The following NBPF11 variants were observed in gnomAD, a reference collection of about 807,000 sequenced individuals.
The protein encoded by NBPF11 is NBPF family member NBPF11.
Under a neutral mutation model 93.9 loss-of-function variants are expected in NBPF11, and 72 were observed. That is an observed-to-expected ratio of 0.77 (90% CI 0.63 to 0.93). NBPF11 has a LOEUF of 0.93. Ranked by LOEUF, NBPF11 falls within the 40% of genes least tolerant of loss-of-function variation. NBPF11 has a pLI of 0.00. For synonymous variants in NBPF11, 224 were observed against 304.9 expected (o/e 0.73, Z 2.76); for missense variants, 705 against 802.2 (o/e 0.88, Z 1.46).
At chr1:148,134,154 C>A (rs1670889517) in intron 4 of NBPF11, among the ~76,000 whole-genome samples, 1 of 151,646 alleles carries the variant, frequency 6.6e-6, no homozygotes, top group Non-Finnish European at 1.5e-5. Flanking sequence ...CTCACCCATG[C>A]ATTTCTTAAT....
intron 1 of NBPF11, among the ~76,000 whole-genome samples, chr1:148,151,037 C>T (rs1457886819): frequency 6.6e-6 from 1 of 151,760 alleles, no homozygotes; most frequent in South Asian, 2.1e-4. Flanking sequence ...AGGAGGAAAG[C>T]GAGGAAACCA....
chr1:148,133,071 C>G (rs1670685299), intron 4 of NBPF11, among the ~76,000 whole-genome samples: 1 of 148,104 alleles, frequency 6.8e-6, no homozygotes, highest in African/African-American at 2.6e-5. Flanking sequence ...TTTATAAGCA[C>G]AACATGTATT....
intron 2 of NBPF11, among the ~76,000 whole-genome samples, chr1:148,138,907 A>T (rs1403290176): frequency 6.6e-6 from 1 of 151,590 alleles, no homozygotes; most frequent in African/African-American, 2.4e-5. Flanking sequence ...CCTGGCCAAC[A>T]TGAAGAAACC....
At chr1:148,132,216 C>T (rs1385664005) in intron 4 of NBPF11, among the ~76,000 whole-genome samples, 272 of 76,694 alleles carry the variant, frequency 3.5e-3, no homozygotes, top group South Asian at 9.8e-3. Context: ...TATATATATA[C>T]ACACACACAC....
chr1:148,140,750 C>G (rs1463498477), intron 2 of NBPF11, among the ~76,000 whole-genome samples: 1 of 151,838 alleles, frequency 6.6e-6, no homozygotes, highest in African/African-American at 2.4e-5. Flanking sequence ...GGTGAACACA[C>G]CAAATGCTGT....
intron 2 of NBPF11, among the ~76,000 whole-genome samples, chr1:148,139,311 C>A (rs1671836582): frequency 6.9e-6 from 1 of 144,986 alleles, no homozygotes; most frequent in South Asian, 2.2e-4. Flanking sequence ...CGAAAACCAT[C>A]CCTAGAATGC....
At chr1:148,124,384 C>A (rs1668589691) in intron 6 of NBPF11, among the ~76,000 whole-genome samples, 1 of 150,302 alleles carries the variant, frequency 6.7e-6, no homozygotes, top group Non-Finnish European at 1.5e-5. Flanking sequence ...ATGGACATTT[C>A]CATGTGAAAA....
At chr1:148,129,211 C>T (rs2149259534) in intron 4 of NBPF11, among the ~76,000 whole-genome samples, 1 of 144,294 alleles carries the variant, frequency 6.9e-6, no homozygotes, top group South Asian at 2.1e-4. Context: ...TATATATACA[C>T]ACACGAATAT....
At position 148,103,594 on chromosome 1, in the gene NBPF11, T is replaced by C. The variant is rs1309107687; in HGVS notation, c.*302A>G. ...ATGTCTGGGCTTCCAAATGGAACTA[T>C]AGTTTCATTCAAATCTTCAGGTGCC... On this transcript the variant is annotated 3_prime_UTR_variant, in exon 24 of 24. Coordinates refer to ENST00000682118, the MANE Select transcript of NBPF11 (RefSeq NM_001385469.3). 1,085 of 1,608,836 alleles carry C rather than the reference T, an allele frequency of 6.7e-4. 3 individuals are homozygous for C. In the African/African-American group the frequency reaches 0.013, roughly 19 times the overall value.
At chr1:148,147,265 G>A (rs1361188735) in intron 1 of NBPF11, among the ~76,000 whole-genome samples, 1 of 152,098 alleles carries the variant, frequency 6.6e-6, no homozygotes, top group African/African-American at 2.4e-5. Context: ...GTGCACGTGT[G>A]GCTGGGAGCC....
rs1261028871 is a variant in NBPF11 at position 148,140,696 on chromosome 1, C to T, written c.-277+2719G>A. On this transcript the variant is annotated intron_variant, in intron 2 of 23. Transcript: ENST00000682118. ...GTGAGGGAATTGCACATTAAAACAACGAGATATCACCATAAACCTATCAGA... is the reference window on the plus strand; with the variant it reads ...GTGAGGGAATTGCACATTAAAACAATGAGATATCACCATAAACCTATCAGA... Among the ~76,000 whole-genome samples, 165 of 151,790 alleles carry T rather than the reference C, an allele frequency of 1.1e-3. 1 individual carries two copies. The South Asian group carries it at 0.013, about 12-fold the overall frequency.
Position 148,110,149 on chromosome 1 carries a change from A to T in NBPF11, c.1801+229T>A, listed in dbSNP as rs1664900374. Among the ~76,000 whole-genome samples the T allele has an allele frequency of 3.9e-5, 6 of 152,060 alleles. No homozygotes were observed. In the South Asian group the frequency reaches 1.0e-3, roughly 26 times the overall value. ...AGTTCAATGTCGTGACAGTCAGTCC[A>T]GGTTGGCATGGGCATGGCCTGAGAC... On this transcript the variant is annotated intron_variant, in intron 16 of 23. Coordinates refer to ENST00000682118, the MANE Select transcript of NBPF11 (RefSeq NM_001385469.3).
At chr1:148,142,813 CT>C (rs1672414112) in intron 2 of NBPF11, among the ~76,000 whole-genome samples, 1 of 152,096 alleles carries the variant, frequency 6.6e-6, no homozygotes, top group East Asian at 1.9e-4. Context: ...AAGAATTCCA[CT>C]GTGGCCCATA....
chr1:148,115,847 G>C lies in NBPF11; in HGVS notation c.1531C>G (p.Leu511Val). The C allele has an allele frequency of 6.3e-7, 1 of 1,584,638 alleles. No individual in the cohort carries two copies. ...TFEEDKVDST[L>V]IGSSSHVEWE... ...TCAACATGAGAGGATGAGCCAATGA[G>C]AGTTGAGTCGACTTTGTCTTCCTCA... Residue 511 changes from leucine (L) to valine (V), a missense_variant, in exon 14 of 24, where the codon CTC (leucine) becomes GTC (valine). By Grantham distance (32) the Leu-to-Val change is conservative (BLOSUM62 1). Around this residue, in one of 12 missense-constraint regions of NBPF11, gnomAD observed 54 missense variants for 91.8 expected, o/e 0.59. Coordinates refer to ENST00000682118, the MANE Select transcript of NBPF11 (RefSeq NM_001385469.3).
intron 1 of NBPF11, among the ~76,000 whole-genome samples, chr1:148,146,172 C>T (rs1436217686): frequency 2.6e-5 from 4 of 151,604 alleles, no homozygotes; most frequent in South Asian, 2.1e-4. Flanking sequence ...TCCCACGGCA[C>T]GACATGGAGA....
chr1:148,137,123 A>T (rs1262261170), intron 3 of NBPF11, among the ~76,000 whole-genome samples: 1 of 151,946 alleles, frequency 6.6e-6, no homozygotes, highest in East Asian at 1.9e-4. Flanking sequence ...ACATTGTTAT[A>T]TGCCAGTTAT....
At chr1:148,120,804 T>C (rs3992675) in intron 9 of NBPF11, 94 bp from the exon 10 acceptor site, 4 of 951,192 alleles carry the variant, frequency 4.2e-6, no homozygotes, top group East Asian at 2.4e-5. Flanking sequence ...GTAGCCTTGT[T>C]TACTTATTTG....
At chr1:148,136,874 T>C (rs1671379230) in intron 3 of NBPF11, among the ~76,000 whole-genome samples, 1 of 151,954 alleles carries the variant, frequency 6.6e-6, no homozygotes, top group African/African-American at 2.4e-5. Flanking sequence ...CTGGTGTGGA[T>C]GTTTTAGATG....
chr1:148,103,796 C>G lies in NBPF11; in HGVS notation c.*100G>C. ...TTCCTCAAATGAGTAAAACACACTT[C>G]TGTAGTGCTGGAATGAGTCAGGTAG... On this transcript the variant is annotated 3_prime_UTR_variant, in exon 24 of 24. Transcript: ENST00000682118. 6.2e-7 allele frequency: 1 copy of G among 1,611,916 alleles called. No homozygotes were observed.
Sources: gnomAD v4.1 joint callset for allele counts (sites outside exome capture counted in the v4.1 genomes callset) on GRCh38, gnomAD v4.1.1 for gene constraint, gnomAD v4.1.1 regional missense constraint, MANE v1.5 for transcripts, NCBI Gene and HGNC (gene_info 2026-07-23, HGNC 2026-07-21) for gene names.